Variants in CGNL1 observed in about 807,000 individuals in gnomAD.
The protein encoded by CGNL1 is cingulin-like protein 1.
Under a neutral mutation model 141.2 loss-of-function variants are expected in CGNL1, and 132 were observed. The observed-to-expected ratio is 0.93, with a 90% CI of 0.81 to 1.08. The LOEUF is 1.08. Ranked by LOEUF, CGNL1 falls within the 50% of genes least tolerant of loss-of-function variation. The probability of loss-of-function intolerance (pLI) is 0.00; values close to 1 mark genes in which losing one functional copy is unlikely to be tolerated. For synonymous variants in CGNL1, 690 were observed against 622.1 expected, an observed-to-expected ratio of 1.11 and a Z score of -1.63; for missense variants, 1,870 against 1,588.6, an observed-to-expected ratio of 1.18 and a Z score of -3.01.
intron 11 of CGNL1, among the ~76,000 whole-genome samples, chr15:57,524,142 A>G (rs1166884926): frequency 6.6e-6 from 1 of 152,222 alleles, no homozygotes; most frequent in Non-Finnish European, 1.5e-5. Context: ...TGTATTATGT[A>G]CCAGGCACTT....
intron 8 of CGNL1, among the ~76,000 whole-genome samples, chr15:57,462,761 A>G (rs2063463227): frequency 6.6e-6 from 1 of 152,230 alleles, no homozygotes; most frequent in Admixed American, 6.5e-5. Context: ...AATGACAAGA[A>G]ATGAAAGATG....
At chr15:57,479,442 T>C (rs2063697751) in intron 8 of CGNL1, among the ~76,000 whole-genome samples, 1 of 152,028 alleles carries the variant, frequency 6.6e-6, no homozygotes, top group Admixed American at 6.6e-5. Context: ...GGCGGGCAGA[T>C]CTCCTGAGGT....
rs1402522291 is a variant in CGNL1, at chr15:57,528,728, G to A, written c.3114G>A (p.Leu1038=). 1 of 1,614,170 alleles carries A rather than the reference G, an allele frequency of 6.2e-7. No homozygotes were observed. Among genetic ancestry groups the A allele is most frequent in the East Asian group, 2.2e-5 (1 of 44,884 alleles). Residue 1038 remains leucine (L), a synonymous_variant, in exon 13 of 19, where the codon CTG becomes CTA. Coordinates refer to ENST00000281282, the MANE Select transcript of CGNL1 (RefSeq NM_032866.5). ...AAGCACTCACAAAAAGGCAGCTTCT[G>A]GAGCAGACGCTGAAGGACCTGGAGT... is the stretch of plus-strand genomic sequence containing the variant. The part of the protein sequence containing the change: ...QDEALTKRQL[L]EQTLKDLEYE...
chr15:57,476,874 G>A (rs1294309720), intron 8 of CGNL1, among the ~76,000 whole-genome samples: 1 of 152,232 alleles, frequency 6.6e-6, no homozygotes. Flanking sequence ...GTGAGTAGGA[G>A]TTGGGGACTG....
chr15:57,469,591 C>G (rs1253028659), intron 8 of CGNL1, among the ~76,000 whole-genome samples: 1 of 152,042 alleles, frequency 6.6e-6, no homozygotes, highest in African/African-American at 2.4e-5. Context: ...CATGTCCATA[C>G]TGAGTTTCTG....
chr15:57,501,465 AG>A (rs1313652899), intron 8 of CGNL1, among the ~76,000 whole-genome samples: 1 of 152,240 alleles, frequency 6.6e-6, no homozygotes, highest in South Asian at 2.1e-4. Flanking sequence ...CCCTGTCCTC[AG>A]GGGGTGCAAC....
intron 7 of CGNL1, among the ~76,000 whole-genome samples, chr15:57,459,705 T>G (rs185615789): frequency 2.0e-5 from 3 of 152,310 alleles, no homozygotes; most frequent in Non-Finnish European, 4.4e-5. Flanking sequence ...TTGAAGATGT[T>G]GCAGAACTAA....
intron 8 of CGNL1, among the ~76,000 whole-genome samples, chr15:57,491,566 T>C (rs1479698035): frequency 1.3e-5 from 2 of 152,222 alleles, no homozygotes; most frequent in African/African-American, 2.4e-5. Flanking sequence ...CTAGAACATA[T>C]GTTTCCTGAA....
chr15:57,419,733 G>A (rs561070208), intron 1 of CGNL1, among the ~76,000 whole-genome samples: 18 of 152,182 alleles, frequency 1.2e-4, no homozygotes, highest in African/African-American at 4.1e-4. Context: ...TCTTGATAAA[G>A]CATGTGCTTG....
At position 57,544,501 on chromosome 15, in the gene CGNL1, A is replaced by G. The variant is rs1417911744; in HGVS notation, c.3404A>G (p.His1135Arg). Residue 1135 changes from histidine to arginine, a missense_variant, in exon 16 of 19, where the codon CAC (histidine) becomes CGC (arginine). His to Arg is a conservative substitution (Grantham distance 29). Transcript: ENST00000281282. ...QNKDLKSRIIHLEGSYRSSKE... is the reference protein window; with the variant it reads ...QNKDLKSRIIRLEGSYRSSKE... The stretch of plus-strand genomic sequence containing the variant: ...AAGGACTTAAAGAGCCGGATTATCC[A>G]CCTGGAAGGTTCCTACAGGTCCAGC... 8 of 1,613,782 alleles carry G rather than the reference A, an allele frequency of 5.0e-6. No individual in the cohort carries two copies. In the Admixed American group the frequency reaches 1.2e-4, roughly 24 times the overall value.
intron 1 of CGNL1, among the ~76,000 whole-genome samples, chr15:57,385,879 C>A (rs554271482): frequency 3.9e-5 from 6 of 152,234 alleles, no homozygotes; most frequent in Non-Finnish European, 8.8e-5. Context: ...CAGTCCCCCA[C>A]GGGAATTATC....
intron 13 of CGNL1, 82 bp downstream of exon 13, chr15:57,528,897 G>A (rs2031788968): frequency 6.9e-7 from 1 of 1,458,784 alleles, no homozygotes. Context: ...TTTGCTCTCA[G>A]CTCAGCCTTT....
At chr15:57,490,517 TG>T (rs2063845040) in intron 8 of CGNL1, among the ~76,000 whole-genome samples, 2 of 152,126 alleles carry the variant, frequency 1.3e-5, no homozygotes, top group African/African-American at 4.8e-5. Flanking sequence ...AAGGTAGTAT[TG>T]GATTATGACC....
intron 14 of CGNL1, among the ~76,000 whole-genome samples, chr15:57,539,501 C>T (rs2032445995): frequency 6.6e-6 from 1 of 152,156 alleles, no homozygotes; most frequent in South Asian, 2.1e-4. Context: ...TCTTGCACAC[C>T]CTCGTGCCCC....
At chr15:57,544,226 G>C (rs866393896) in intron 15 of CGNL1, among the ~76,000 whole-genome samples, 2 of 152,214 alleles carry the variant, frequency 1.3e-5, no homozygotes, top group Admixed American at 6.5e-5. Flanking sequence ...TTAGGACATG[G>C]CAAAGGTTTC....
intron 1 of CGNL1, among the ~76,000 whole-genome samples, chr15:57,414,645 C>A (rs1235103853): frequency 8.2e-6 from 1 of 121,560 alleles, no homozygotes; most frequent in Admixed American, 9.5e-5. Context: ...GTGTTCCTCA[C>A]ACTTTTTTAA....
At chr15:57,488,966 C>A (rs1199080777) in intron 8 of CGNL1, among the ~76,000 whole-genome samples, 1 of 152,200 alleles carries the variant, frequency 6.6e-6, no homozygotes, top group Admixed American at 6.5e-5. Context: ...TCAAGGACCT[C>A]TCACAACAGC....
intron 1 of CGNL1, among the ~76,000 whole-genome samples, chr15:57,436,902 A>G (rs1365220926): frequency 1.3e-5 from 2 of 152,192 alleles, no homozygotes; most frequent in Non-Finnish European, 2.9e-5. Context: ...AAATTTGAAA[A>G]TTGGATGGAA....
At chr15:57,498,536 T>C (rs1244175232) in intron 8 of CGNL1, among the ~76,000 whole-genome samples, 7 of 152,120 alleles carry the variant, frequency 4.6e-5, no homozygotes, top group Non-Finnish European at 8.8e-5. Context: ...TTTTTGTTTG[T>C]TTGTTTTTTC....
Sources: gnomAD v4.1 joint callset for allele counts (sites outside exome capture counted in the v4.1 genomes callset) on GRCh38, gnomAD v4.1.1 for gene constraint, MANE v1.5 for transcripts, NCBI Gene and HGNC (gene_info 2026-07-23, HGNC 2026-07-21) for gene names.